CDYL2: variants seen among roughly 807,000 people sequenced by gnomAD.
CDYL2 encodes the protein chromodomain Y-like protein 2.
Under a neutral mutation model 49.4 loss-of-function variants are expected in CDYL2, and 23 were observed. The ratio of observed to expected loss-of-function variants is 0.47; its 90% CI spans 0.34 to 0.66. The LOEUF is 0.66. Among genes scored for constraint, CDYL2 ranks in the 30% least tolerant of loss-of-function variants. CDYL2 has a pLI of 0.01. For synonymous variants in CDYL2, 360 were observed against 268.8 expected (o/e 1.34, Z -3.32); for missense variants, 678 against 656.4 (o/e 1.03, Z -0.36).
intron 2 of CDYL2, among the ~76,000 whole-genome samples, chr16:80,682,664 T>C (rs1009258999): frequency 1.3e-5 from 2 of 152,190 alleles, no homozygotes; most frequent in African/African-American, 4.8e-5. Flanking sequence ...ACAGCTGGAA[T>C]GCAGGGAACC....
At chr16:80,633,263 G>A (rs371017330) in intron 2 of CDYL2, 27 bp from the exon 3 acceptor site, 1 of 1,600,692 alleles carries the variant, frequency 6.2e-7, no homozygotes, top group Non-Finnish European at 8.6e-7. Context: ...AACAATGTAA[G>A]AAACTGAAAT....
chr16:80,640,187 C>A (rs990541009), intron 2 of CDYL2, among the ~76,000 whole-genome samples: 1 of 152,142 alleles, frequency 6.6e-6, no homozygotes, highest in South Asian at 2.1e-4. Context: ...AGACTGCACA[C>A]CTCAAGTATC....
chr16:80,680,808 G>A (rs1419870704), intron 2 of CDYL2, among the ~76,000 whole-genome samples: 2 of 152,104 alleles, frequency 1.3e-5, no homozygotes, highest in African/African-American at 4.8e-5. Context: ...CACACCTGTG[G>A]CTGTTACAAT....
chr16:80,804,258 CGTGTGTGTGCGCGCGTGTGTGTGCGA>C lies in CDYL2; in HGVS notation c.-111_-86del. The C allele has an allele frequency of 1.7e-6, 2 of 1,210,846 alleles. No individual in the cohort carries two copies. Among genetic ancestry groups the C allele is most frequent in the Non-Finnish European group, 1.1e-6 (1 of 922,342 alleles). The allele number at this position is 1,210,846 out of a possible 1,614,324, so 75.0% of individuals were successfully genotyped here. ...GTGTGCGCGCGGGGTCCGGTGTGCGCGTGTGTGTGCGCGCGTGTGTGTGCGAGTGTGTGTGGTGTGTTGAGTAAACT... is the reference window on the plus strand; with the variant it reads ...GTGTGCGCGCGGGGTCCGGTGTGCGCGTGTGTGTGGTGTGTTGAGTAAACT... On this transcript the variant is annotated 5_prime_UTR_variant, in exon 1 of 7. Transcript: ENST00000570137.
chr16:80,758,776 T>C (rs988682655), intron 1 of CDYL2, among the ~76,000 whole-genome samples: 9 of 151,716 alleles, frequency 5.9e-5, no homozygotes, highest in Non-Finnish European at 1.3e-4. Flanking sequence ...TCTCCTGACC[T>C]CCTGATCCGC....
intron 1 of CDYL2, among the ~76,000 whole-genome samples, chr16:80,702,748 G>C (rs551469113): frequency 6.6e-6 from 1 of 152,234 alleles, no homozygotes; most frequent in East Asian, 1.9e-4. Context: ...AGACCCTGTG[G>C]ACAGGTAAGG....
At chr16:80,736,028 T>A (rs1168451482) in intron 1 of CDYL2, among the ~76,000 whole-genome samples, 6 of 152,166 alleles carry the variant, frequency 3.9e-5, no homozygotes, top group African/African-American at 1.4e-4. Flanking sequence ...AGGGTCACCT[T>A]CCCAGCTTGT....
chr16:80,697,192 T>G (rs916579816), intron 1 of CDYL2, among the ~76,000 whole-genome samples: 1 of 152,108 alleles, frequency 6.6e-6, no homozygotes, highest in Non-Finnish European at 1.5e-5. Flanking sequence ...ACAAGCAAAC[T>G]AATCCAACAA....
intron 1 of CDYL2, among the ~76,000 whole-genome samples, chr16:80,730,190 T>C (rs80045487): frequency 6.6e-6 from 1 of 151,612 alleles, no homozygotes; most frequent in Non-Finnish European, 1.5e-5. Flanking sequence ...ATCAACAAAA[T>C]TGATAGACCG....
intron 1 of CDYL2, among the ~76,000 whole-genome samples, chr16:80,781,465 C>A (rs950127990): frequency 6.6e-6 from 1 of 152,000 alleles, no homozygotes; most frequent in African/African-American, 2.4e-5. Context: ...CCATATTTAA[C>A]AATAGACAGA....
At position 80,610,880 on chromosome 16, in the gene CDYL2, G is replaced by A. The variant is rs917449585; in HGVS notation, c.1218+1746C>T. 3.6e-4 allele frequency among the ~76,000 whole-genome samples: 55 copies of A among 152,164 alleles called. 1 individual carries two copies. The highest frequency in any genetic ancestry group is 2.8e-3 in the Admixed American group (43 of 15,292). ...CTGGCAGATGCCCCCAGTGGACCCC[G>A]GGCAGACCTTGCTGAGGCAGGCACA... On this transcript the variant is annotated intron_variant, in intron 5 of 6. Transcript: ENST00000570137.
At chr16:80,606,901 G>A (rs1258826663) in intron 6 of CDYL2, among the ~76,000 whole-genome samples, 1 of 152,168 alleles carries the variant, frequency 6.6e-6, no homozygotes, top group Non-Finnish European at 1.5e-5. Flanking sequence ...CTTCCGCCAT[G>A]ATTGTGAGGC....
chr16:80,637,244 C>T (rs4889180), intron 2 of CDYL2, among the ~76,000 whole-genome samples: 23,813 of 151,544 alleles, frequency 0.16, 2,309 homozygotes, highest in Admixed American at 0.29. Flanking sequence ...AAGGGGGAAA[C>T]GAAAGGGACT....
intron 1 of CDYL2, among the ~76,000 whole-genome samples, chr16:80,798,489 C>T (rs1379608073): frequency 1.3e-5 from 2 of 152,200 alleles, no homozygotes; most frequent in Non-Finnish European, 2.9e-5. Context: ...ATCTACTTCA[C>T]TTAATGAACA....
intron 2 of CDYL2, among the ~76,000 whole-genome samples, chr16:80,681,022 G>A (rs1316588451): frequency 6.6e-6 from 1 of 152,138 alleles, no homozygotes; most frequent in Non-Finnish European, 1.5e-5. Context: ...CACTGCTGGG[G>A]AAAAAGCGCA....
chr16:80,624,152 A>C (rs944766947), intron 3 of CDYL2, among the ~76,000 whole-genome samples: 3 of 152,186 alleles, frequency 2.0e-5, no homozygotes, highest in Admixed American at 1.3e-4. Flanking sequence ...CCTGGTATTC[A>C]CAAGGACTCA....
At chr16:80,699,716 T>C (rs1389536421) in intron 1 of CDYL2, among the ~76,000 whole-genome samples, 1 of 152,218 alleles carries the variant, frequency 6.6e-6, no homozygotes, top group East Asian at 1.9e-4. Context: ...GGGATGGATA[T>C]GCTAATTACC....
chr16:80,790,003 C>T (rs1290650957), intron 1 of CDYL2, among the ~76,000 whole-genome samples: 4 of 152,176 alleles, frequency 2.6e-5, no homozygotes, highest in Admixed American at 6.5e-5. Context: ...CACCACTATA[C>T]ATGTAATACT....
chr16:80,673,867 G>A (rs1469720246), intron 2 of CDYL2, among the ~76,000 whole-genome samples: 1 of 152,178 alleles, frequency 6.6e-6, no homozygotes, highest in Non-Finnish European at 1.5e-5. Flanking sequence ...CTTGTAAGAG[G>A]GAGGCAGGGG....
Sources: gnomAD v4.1 joint callset for allele counts (sites outside exome capture counted in the v4.1 genomes callset) on GRCh38, gnomAD v4.1.1 for gene constraint, MANE v1.5 for transcripts, NCBI Gene and HGNC (gene_info 2026-07-23, HGNC 2026-07-21) for gene names.